DNAH3: variants seen among roughly 807,000 people sequenced by gnomAD.
DNAH3 encodes the protein dynein axonemal heavy chain 3.
In DNAH3, 332 loss-of-function variants were observed where a neutral mutation model predicts 432.5. The ratio of observed to expected loss-of-function variants is 0.77; its 90% CI spans 0.70 to 0.84. DNAH3 has a LOEUF of 0.84. Ranked by LOEUF, DNAH3 falls within the 40% of genes least tolerant of loss-of-function variation. The pLI, the probability that DNAH3 is intolerant of heterozygous loss-of-function variation, is 0.00. For synonymous variants in DNAH3, 1,956 were observed against 1,900.2 expected (o/e 1.03, Z -0.76); for missense variants, 4,861 against 5,114.0 (o/e 0.95, Z 1.51).
intron 6 of DNAH3, among the ~76,000 whole-genome samples, chr16:21,136,057 T>G (rs1456850473): frequency 6.6e-6 from 1 of 152,026 alleles, no homozygotes; most frequent in Admixed American, 6.6e-5. Context: ...AATTAGCGGT[T>G]AAATGATGTT....
chr16:21,088,075 T>C (rs535414673), intron 18 of DNAH3, among the ~76,000 whole-genome samples: 2 of 152,250 alleles, frequency 1.3e-5, no homozygotes, highest in East Asian at 3.9e-4. Flanking sequence ...TGGTATTAAC[T>C]CTTGCTATGT....
chr16:21,069,385 G>C, intron 23 of DNAH3, 30 bp downstream of exon 23: 5 of 1,586,242 alleles, frequency 3.2e-6, no homozygotes, highest in Non-Finnish European at 4.3e-6. Context: ...TATTTCTGCT[G>C]GTAAGAGTTA....
intron 39 of DNAH3, among the ~76,000 whole-genome samples, chr16:21,023,819 G>GTGTGTGTGTGT (rs2088390024): frequency 2.0e-5 from 3 of 151,470 alleles, no homozygotes; most frequent in African/African-American, 7.3e-5. Context: ...GTGTGTGTGT[G>GTGTGTGTGTGT]GACTGGCGCT....
chr16:21,028,542 G>A (rs1183108942), intron 37 of DNAH3, among the ~76,000 whole-genome samples: 2 of 151,196 alleles, frequency 1.3e-5, no homozygotes, highest in African/African-American at 2.4e-5. Flanking sequence ...ATGGTGGCAC[G>A]CATCTGTAAT....
chr16:20,963,210 T>G, intron 53 of DNAH3, 74 bp downstream of exon 53: 2 of 1,417,846 alleles, frequency 1.4e-6, no homozygotes, highest in Non-Finnish European at 1.9e-6. Context: ...ATCCCTGCTG[T>G]AAGGGACGGG....
chr16:21,042,047 C>T (rs752033065), exon 32 of DNAH3: 17 of 1,613,974 alleles, frequency 1.1e-5, no homozygotes, highest in East Asian at 2.2e-5. Context: ...TCGGGCAGTT[C>T]AGCCCTGCCA....
chr16:21,125,228 C>A lies in DNAH3; in HGVS notation c.1351G>T (p.Glu451Ter). ...TCCTCAAGTGACTTAATGACCAGCT[C>A]CCTAAGCTGCAGCGACATGAATGAT... Residue 451 changes from glutamate to a stop codon, truncating the protein, a stop_gained, in exon 9 of 62, where the codon GAG (glutamate) becomes TAG (stop). Transcript: ENST00000261383. LOFTEE classifies it high-confidence loss of function. 1 of 1,613,630 alleles carries A rather than the reference C, an allele frequency of 6.2e-7. No individual in the cohort carries two copies. The highest frequency in any genetic ancestry group is 8.5e-7 in the Non-Finnish European group (1 of 1,179,748).
At chr16:20,965,197 C>A in exon 53 of DNAH3, 5 of 1,614,038 alleles carry the variant, frequency 3.1e-6, no homozygotes, top group Non-Finnish European at 4.2e-6. Context: ...CTTGGCCACG[C>A]GATCGTACAC....
At chr16:21,110,663 T>C (rs1325816551) in intron 14 of DNAH3, among the ~76,000 whole-genome samples, 1 of 152,160 alleles carries the variant, frequency 6.6e-6, no homozygotes, top group Non-Finnish European at 1.5e-5. Flanking sequence ...AAACATCTTG[T>C]CTAACACGTA....
intron 61 of DNAH3, 91 bp downstream of exon 61, chr16:20,935,257 A>G: frequency 6.6e-7 from 1 of 1,508,962 alleles, no homozygotes; most frequent in Non-Finnish European, 9.1e-7. Flanking sequence ...TTGGGTCTTA[A>G]CACATCCACA....
chr16:21,084,207 T>G (rs2152776904), intron 19 of DNAH3, among the ~76,000 whole-genome samples: 1 of 152,168 alleles, frequency 6.6e-6, no homozygotes, highest in East Asian at 1.9e-4. Flanking sequence ...GTTTTAAGGG[T>G]GAAATGTGAG....
chr16:20,970,028 G>A (rs754921175), intron 51 of DNAH3, 38 bp from the exon 52 acceptor site: 4 of 1,597,922 alleles, frequency 2.5e-6, no homozygotes, highest in Non-Finnish European at 1.7e-6. Flanking sequence ...TGAGTGCCCA[G>A]GGCCTGGCAC....
At chr16:21,049,657 C>T in exon 31 of DNAH3, 2 of 1,614,184 alleles carry the variant, frequency 1.2e-6, no homozygotes, top group African/African-American at 1.3e-5. Flanking sequence ...GTAATCCAAA[C>T]CATCGGAGCA....
intron 52 of DNAH3, among the ~76,000 whole-genome samples, chr16:20,966,489 C>T (rs2085069748): frequency 6.6e-6 from 1 of 152,172 alleles, no homozygotes; most frequent in African/African-American, 2.4e-5. Flanking sequence ...CCAGCATTTT[C>T]TTTCACCTTG....
At chr16:21,086,789 G>T in intron 19 of DNAH3, 60 bp downstream of exon 19, 2 of 1,471,308 alleles carry the variant, frequency 1.4e-6, no homozygotes, top group Non-Finnish European at 1.9e-6. Context: ...GCCTTCCCAA[G>T]GACAGTCAGG....
intron 44 of DNAH3, among the ~76,000 whole-genome samples, chr16:20,995,820 G>A (rs2152685827): frequency 6.6e-6 from 1 of 152,348 alleles, no homozygotes; most frequent in African/African-American, 2.4e-5. Flanking sequence ...CTGGGTCACT[G>A]CAGTCACTAG....
rs1016397467 is a variant in DNAH3 at position 20,987,996 on chromosome 16, A to C, written c.6671T>G (p.Phe2224Cys). 3.1e-6 allele frequency: 5 copies of C among 1,614,200 alleles called. No individual in the cohort carries two copies. The Admixed American group carries it at 8.3e-5, about 27-fold the overall frequency. ...GAAGTGCCAGTCAACAATCGAACTG[A>C]AAATCTTGGTTAAAATGTCATCCTC... Residue 2224 changes from phenylalanine to cysteine, a missense_variant, in exon 45 of 62, where the codon TTC becomes TGC. Coordinates refer to ENST00000261383, the Ensembl canonical transcript of DNAH3.
intron 56 of DNAH3, among the ~76,000 whole-genome samples, chr16:20,951,736 GTATT>G (rs1809979392): frequency 8.2e-6 from 1 of 121,534 alleles, no homozygotes; most frequent in Non-Finnish European, 1.7e-5. Context: ...CGCCTGGCCC[GTATT>G]TTTTTTTTTT....
At chr16:21,139,060 C>G (rs1269327985) in intron 5 of DNAH3, among the ~76,000 whole-genome samples, 2 of 152,138 alleles carry the variant, frequency 1.3e-5, no homozygotes, top group African/African-American at 4.8e-5. Flanking sequence ...TTATTATACA[C>G]CCTAAACCCA....
Sources: gnomAD v4.1 joint callset for allele counts (sites outside exome capture counted in the v4.1 genomes callset) on GRCh38, gnomAD v4.1.1 for gene constraint, MANE v1.5 for transcripts, NCBI Gene and HGNC (gene_info 2026-07-23, HGNC 2026-07-21) for gene names.